Variants in MARCHF1 observed in about 807,000 individuals in gnomAD.
MARCHF1 encodes E3 ubiquitin-protein ligase MARCHF1.
MARCHF1 carries 40 observed loss-of-function variants against 54.2 expected under a neutral mutation model. The observed-to-expected ratio is 0.74, with a 90% CI of 0.57 to 0.96. MARCHF1 has a LOEUF of 0.96. Among genes scored for constraint, MARCHF1 ranks in the 40% least tolerant of loss-of-function variants. The pLI, the probability that MARCHF1 is intolerant of heterozygous loss-of-function variation, is 0.00. For missense variants in MARCHF1, 586 were observed against 656.5 expected, an observed-to-expected ratio of 0.89 and a Z score of 1.17; for synonymous variants, 236 against 236.3, an observed-to-expected ratio of 1.00 and a Z score of 0.01.
intron 4 of MARCHF1, among the ~76,000 whole-genome samples, chr4:163,778,838 T>C (rs1381643977): frequency 6.6e-6 from 1 of 151,612 alleles, no homozygotes; most frequent in Non-Finnish European, 1.5e-5. Context: ...TAATAGACAA[T>C]AGAGACTAGA....
At chr4:163,915,327 C>T (rs1579389060) in intron 3 of MARCHF1, among the ~76,000 whole-genome samples, 1 of 151,972 alleles carries the variant, frequency 6.6e-6, no homozygotes, top group African/African-American at 2.4e-5. Flanking sequence ...ACCATAATCC[C>T]AACTTAATTA....
intron 1 of MARCHF1, among the ~76,000 whole-genome samples, chr4:164,214,535 T>C (rs1362311952): frequency 6.6e-6 from 1 of 152,076 alleles, no homozygotes; most frequent in Non-Finnish European, 1.5e-5. Flanking sequence ...AGATCAAAGA[T>C]TGTGTAAATG....
At chr4:163,595,359 A>AT (rs1354768831) in intron 7 of MARCHF1, among the ~76,000 whole-genome samples, 2 of 151,808 alleles carry the variant, frequency 1.3e-5, no homozygotes, top group Admixed American at 6.6e-5. Flanking sequence ...AAATAAAATA[A>AT]AAAAAAAATT....
At chr4:163,733,195 A>ATATATATATATATATATATACACGTG (rs1745905065) in intron 4 of MARCHF1, among the ~76,000 whole-genome samples, 22 of 26,336 alleles carry the variant, frequency 8.4e-4, no homozygotes, top group African/African-American at 1.9e-3. Flanking sequence ...ATATATATAT[A>ATATATATATATATATATATACACGTG]TATATATATA....
At chr4:164,221,270 G>A (rs1255025988) in intron 1 of MARCHF1, among the ~76,000 whole-genome samples, 1 of 152,008 alleles carries the variant, frequency 6.6e-6, no homozygotes, top group African/African-American at 2.4e-5. Context: ...AACATTATGG[G>A]ATAGTGTCCC....
At chr4:164,270,833 A>G (rs1342676196) in intron 1 of MARCHF1, among the ~76,000 whole-genome samples, 1 of 152,146 alleles carries the variant, frequency 6.6e-6, no homozygotes, top group Non-Finnish European at 1.5e-5. Context: ...ATTCCTATCA[A>G]AATCTTAGCG....
chr4:163,964,759 A>G (rs1360800218), intron 3 of MARCHF1, among the ~76,000 whole-genome samples: 1 of 151,842 alleles, frequency 6.6e-6, no homozygotes, highest in Non-Finnish European at 1.5e-5. Context: ...GAGCCACTCC[A>G]TCTACTAGGA....
At chr4:164,276,755 C>T (rs1449575813) in intron 1 of MARCHF1, among the ~76,000 whole-genome samples, 3 of 150,002 alleles carry the variant, frequency 2.0e-5, no homozygotes, top group African/African-American at 2.4e-5. Flanking sequence ...GAAACTGTAA[C>T]TGTAAAATGT....
At chr4:164,159,530 C>G (rs1448954753) in intron 1 of MARCHF1, among the ~76,000 whole-genome samples, 1 of 152,016 alleles carries the variant, frequency 6.6e-6, no homozygotes, top group African/African-American at 2.4e-5. Context: ...CTGTACTTTA[C>G]TTGACAATAG....
chr4:164,288,588 T>C (rs1019959793), intron 1 of MARCHF1, among the ~76,000 whole-genome samples: 10 of 151,708 alleles, frequency 6.6e-5, no homozygotes, highest in South Asian at 2.1e-4. Flanking sequence ...TGAGAGAAAA[T>C]GGGAAAAATA....
At chr4:164,346,125 T>C (rs112105691) in intron 1 of MARCHF1, among the ~76,000 whole-genome samples, 1 of 152,186 alleles carries the variant, frequency 6.6e-6, no homozygotes, top group Admixed American at 6.6e-5. Flanking sequence ...ACATTATTTC[T>C]TTGGGTATCA....
At chr4:163,811,377 C>G (rs1748381026) in intron 4 of MARCHF1, among the ~76,000 whole-genome samples, 1 of 151,990 alleles carries the variant, frequency 6.6e-6, no homozygotes, top group South Asian at 2.1e-4. Context: ...CTTAAGGAAA[C>G]CAAAACTGCT....
At chr4:163,677,795 A>C (rs927756001) in intron 5 of MARCHF1, among the ~76,000 whole-genome samples, 1 of 152,218 alleles carries the variant, frequency 6.6e-6, no homozygotes, top group Non-Finnish European at 1.5e-5. Flanking sequence ...CACACACTAC[A>C]TGCCAACATA....
At chr4:164,315,880 G>T (rs1326785571) in intron 1 of MARCHF1, among the ~76,000 whole-genome samples, 2 of 152,088 alleles carry the variant, frequency 1.3e-5, no homozygotes, top group African/African-American at 2.4e-5. Context: ...AGAGATAATT[G>T]GTATTATAAT....
chr4:164,156,684 C>G (rs745971293), intron 1 of MARCHF1, among the ~76,000 whole-genome samples: 1 of 152,134 alleles, frequency 6.6e-6, no homozygotes. Flanking sequence ...GGATTACAGG[C>G]TCCCAAAGTG....
At chr4:164,096,673 A>G (rs1402544226) in intron 2 of MARCHF1, among the ~76,000 whole-genome samples, 1 of 152,122 alleles carries the variant, frequency 6.6e-6, no homozygotes, top group Admixed American at 6.6e-5. Context: ...AAAGTTAGAG[A>G]AAACACAAAA....
chr4:164,164,908 C>T (rs998422455), intron 1 of MARCHF1, among the ~76,000 whole-genome samples: 3 of 151,956 alleles, frequency 2.0e-5, no homozygotes, highest in African/African-American at 4.8e-5. Flanking sequence ...TCCTTCTCTC[C>T]CTGACCCATT....
intron 3 of MARCHF1, among the ~76,000 whole-genome samples, chr4:163,984,209 T>G (rs1752818252): frequency 6.6e-6 from 1 of 152,038 alleles, no homozygotes; most frequent in Non-Finnish European, 1.5e-5. Context: ...AAGGGATATC[T>G]CAGGAAGAAA....
intron 9 of MARCHF1, among the ~76,000 whole-genome samples, chr4:163,536,406 C>T (rs2119680): frequency 0.54 from 81,369 of 151,812 alleles, 22,406 homozygotes; most frequent in Admixed American, 0.68. Flanking sequence ...GTCTACTTGT[C>T]CCACAAAACC....
Sources: gnomAD v4.1 joint callset for allele counts (sites outside exome capture counted in the v4.1 genomes callset) on GRCh38, gnomAD v4.1.1 for gene constraint, MANE v1.5 for transcripts, NCBI Gene and HGNC (gene_info 2026-07-23, HGNC 2026-07-21) for gene names.